Variants in SLMAP observed in about 807,000 individuals in gnomAD.
SLMAP encodes the protein sarcolemmal membrane-associated protein.
A neutral mutation model predicts 128.8 loss-of-function variants in SLMAP; 44 were observed. The observed-to-expected ratio is 0.34, with a 90% CI of 0.27 to 0.44. The LOEUF (loss-of-function observed/expected upper bound fraction) is 0.44. Ranked by LOEUF, SLMAP falls within the 20% of genes least tolerant of loss-of-function variation. The pLI, the probability that SLMAP is intolerant of heterozygous loss-of-function variation, is 1.00. For missense variants in SLMAP, 787 were observed against 985.3 expected (o/e 0.80, Z 2.69); for synonymous variants, 327 against 348.8 (o/e 0.94, Z 0.70).
intron 2 of SLMAP, among the ~76,000 whole-genome samples, chr3:57,786,265 A>AG (rs1322379481): frequency 2.6e-5 from 4 of 152,172 alleles, no homozygotes; most frequent in South Asian, 2.1e-4. Flanking sequence ...TTCTCCTTTC[A>AG]GGGGTTCAGG....
intron 4 of SLMAP, among the ~76,000 whole-genome samples, chr3:57,846,190 A>G (rs557032902): frequency 2.0e-5 from 3 of 152,280 alleles, no homozygotes; most frequent in African/African-American, 7.2e-5. Context: ...TTGATTAGGC[A>G]ATTTGCCTTT....
intron 2 of SLMAP, among the ~76,000 whole-genome samples, chr3:57,772,387 G>A (rs887796467): frequency 6.6e-6 from 1 of 152,220 alleles, no homozygotes; most frequent in Admixed American, 6.5e-5. Context: ...AGGGGATTGG[G>A]TTGTTTTCAG....
At chr3:57,868,226 C>T (rs2095358918) in intron 13 of SLMAP, among the ~76,000 whole-genome samples, 1 of 152,094 alleles carries the variant, frequency 6.6e-6, no homozygotes, top group Admixed American at 6.6e-5. Context: ...CACCACTGTA[C>T]TCAGCCTGGG....
At chr3:57,848,900 G>T (rs1186810674) in intron 5 of SLMAP, among the ~76,000 whole-genome samples, 1 of 151,690 alleles carries the variant, frequency 6.6e-6, no homozygotes, top group Non-Finnish European at 1.5e-5. Context: ...GTAGAGACGG[G>T]GTTTCTCCAT....
chr3:57,831,510 T>C lies in SLMAP; in HGVS notation c.326T>C (p.Val109Ala). The C allele has an allele frequency of 6.4e-7, 1 of 1,567,392 alleles. No individual in the cohort carries two copies. The highest frequency in any genetic ancestry group is 8.6e-7 in the Non-Finnish European group (1 of 1,156,716). ...SGDIIQFGVD[V>A]TENTRKVTHG... ...GACATTATCCAGTTTGGAGTAGACG[T>C]GACAGAGAATACACGGAAAGGTACG... Residue 109 changes from valine (V) to alanine (A), a missense_variant, in exon 3 of 25, where the codon GTG (valine) becomes GCG (alanine). Val to Ala is a moderately conservative substitution (Grantham distance 64). Transcript: ENST00000671191.
chr3:57,823,684 G>A (rs1449803993), intron 2 of SLMAP, among the ~76,000 whole-genome samples: 1 of 152,156 alleles, frequency 6.6e-6, no homozygotes, highest in Non-Finnish European at 1.5e-5. Flanking sequence ...AAACATACGT[G>A]TGCATGTGTC....
intron 8 of SLMAP, among the ~76,000 whole-genome samples, chr3:57,858,806 G>C (rs1040525220): frequency 6.6e-6 from 1 of 152,144 alleles, no homozygotes; most frequent in South Asian, 2.1e-4. Flanking sequence ...GCCGGGCATG[G>C]TGGCACATGC....
chr3:57,903,935 G>A (rs1198555272), intron 17 of SLMAP, among the ~76,000 whole-genome samples: 1 of 152,094 alleles, frequency 6.6e-6, no homozygotes, highest in Non-Finnish European at 1.5e-5. Context: ...ACAAAAACGA[G>A]GCACCTTGAG....
At chr3:57,871,547 G>A in intron 13 of SLMAP, 89 bp from the exon 14 acceptor site, 1 of 921,888 alleles carries the variant, frequency 1.1e-6, no homozygotes, top group Non-Finnish European at 1.8e-6. Context: ...TAGTACCCAT[G>A]TTAATACTTT....
intron 23 of SLMAP, among the ~76,000 whole-genome samples, chr3:57,924,920 G>A (rs549592084): frequency 2.0e-5 from 3 of 150,964 alleles, no homozygotes; most frequent in Non-Finnish European, 4.4e-5. Context: ...TCAGCTGGTG[G>A]TGAAGTATTG....
At chr3:57,851,715 C>T (rs2094510357) in intron 6 of SLMAP, among the ~76,000 whole-genome samples, 1 of 151,766 alleles carries the variant, frequency 6.6e-6, no homozygotes, top group African/African-American at 2.4e-5. Flanking sequence ...AAACTCCTGA[C>T]CTCAAGTGAT....
At chr3:57,849,015 C>CT (rs1248625024) in intron 5 of SLMAP, among the ~76,000 whole-genome samples, 38 of 146,262 alleles carry the variant, frequency 2.6e-4, no homozygotes, top group African/African-American at 5.7e-4. Context: ...GGCCCTTCTT[C>CT]TTTTTTTTTT....
At chr3:57,830,638 C>G (rs1044472380) in intron 2 of SLMAP, among the ~76,000 whole-genome samples, 2 of 151,994 alleles carry the variant, frequency 1.3e-5, no homozygotes, top group Non-Finnish European at 2.9e-5. Flanking sequence ...GGAGGGTTAC[C>G]CAAGTGATGA....
chr3:57,896,681 G>C, intron 16 of SLMAP, 90 bp downstream of exon 16: 1 of 1,208,456 alleles, frequency 8.3e-7, no homozygotes, highest in Non-Finnish European at 1.1e-6. Context: ...CAAAGTATGT[G>C]TTTGGGGAAA....
chr3:57,917,274 G>T (rs2096832221), intron 22 of SLMAP, 197 bp downstream of exon 22: 1 of 1,385,636 alleles, frequency 7.2e-7, no homozygotes, highest in Admixed American at 2.9e-5. Flanking sequence ...CAGTAGGGTT[G>T]GTCTCAAAAA....
intron 19 of SLMAP, among the ~76,000 whole-genome samples, chr3:57,911,813 C>A (rs2096706237): frequency 6.6e-6 from 1 of 150,924 alleles, no homozygotes; most frequent in South Asian, 2.1e-4. Flanking sequence ...TCAGAAAAGG[C>A]CTCTTTAAAG....
At chr3:57,777,360 C>T (rs1421376954) in intron 2 of SLMAP, among the ~76,000 whole-genome samples, 1 of 143,446 alleles carries the variant, frequency 7.0e-6, no homozygotes, top group Non-Finnish European at 1.5e-5. Flanking sequence ...TAATAATTTA[C>T]AGGAAGCATA....
Position 57,929,111 on chromosome 3 carries a change from C to G in SLMAP, c.*1822C>G, listed in dbSNP as rs2097046725. 1 of 152,540 alleles carries G rather than the reference C, an allele frequency of 6.6e-6. No homozygotes were observed. The highest frequency in any genetic ancestry group is 1.5e-5 in the Non-Finnish European group (1 of 67,992). The allele number at this position is 152,540 out of a possible 1,614,324, so 9.4% of individuals were successfully genotyped here. ...TAGAATTTCTGGAGTACAGATTAAA[C>G]TATTTGCACTAACACACGTGACGTG... On this transcript the variant is annotated 3_prime_UTR_variant, in exon 25 of 25. Transcript: ENST00000671191.
intron 2 of SLMAP, among the ~76,000 whole-genome samples, chr3:57,780,147 T>C: frequency 6.7e-6 from 1 of 149,992 alleles, no homozygotes; most frequent in African/African-American, 2.5e-5. Flanking sequence ...GCCCTGCCCC[T>C]CCCTTCTTTT....
Sources: gnomAD v4.1 joint callset for allele counts (sites outside exome capture counted in the v4.1 genomes callset) on GRCh38, gnomAD v4.1.1 for gene constraint, MANE v1.5 for transcripts, NCBI Gene and HGNC (gene_info 2026-07-23, HGNC 2026-07-21) for gene names.